INPP4A: variants seen among roughly 807,000 people sequenced by gnomAD.
INPP4A encodes the protein inositol polyphosphate-4-phosphatase type I A.
INPP4A carries 33 observed loss-of-function variants against 119.8 expected under a neutral mutation model. The ratio of observed to expected loss-of-function variants is 0.28; its 90% CI spans 0.21 to 0.37. INPP4A has a LOEUF of 0.37. INPP4A is among the 10% of genes least tolerant of loss of function. The pLI is 1.00. For missense variants in INPP4A, 956 were observed against 1,289.9 expected (o/e 0.74, Z 3.97); for synonymous variants, 496 against 500.7 (o/e 0.99, Z 0.12).
intron 1 of INPP4A, among the ~76,000 whole-genome samples, chr2:98,463,776 G>T (rs1049168226): frequency 3.3e-5 from 5 of 152,166 alleles, no homozygotes; most frequent in Non-Finnish European, 7.4e-5. Context: ...AGAGCCATGA[G>T]CGTCCATGGT....
chr2:98,553,354 A>T (rs1235992467), intron 14 of INPP4A, among the ~76,000 whole-genome samples: 2 of 38,770 alleles, frequency 5.2e-5, no homozygotes, highest in Non-Finnish European at 9.2e-5. Flanking sequence ...CTGAGCTATT[A>T]TACAGACATA....
chr2:98,580,731 A>G (rs1195755366), intron 24 of INPP4A, among the ~76,000 whole-genome samples: 2 of 152,228 alleles, frequency 1.3e-5, no homozygotes. Context: ...CCCATCTCCA[A>G]GTGGAGCCTT....
At chr2:98,465,894 C>A (rs77666392) in intron 1 of INPP4A, among the ~76,000 whole-genome samples, 1 of 152,066 alleles carries the variant, frequency 6.6e-6, no homozygotes, top group African/African-American at 2.4e-5. Context: ...CTCACTCTAG[C>A]GCCCTCCCCC....
In INPP4A at chr2:98,590,130, A is replaced by G. The variant is rs962890164; in HGVS notation, c.*2522A>G. On this transcript the variant is annotated 3_prime_UTR_variant, in exon 25 of 25. Coordinates refer to ENST00000409851, the MANE Select transcript of INPP4A (RefSeq NM_001134225.2). ...AATGTGCTAGTCTTTAGAATGACAC[A>G]TAATAAATAACTGACAAGATATTAA... The G allele has an allele frequency of 1.0e-5, 2 of 197,202 alleles. No individual in the cohort carries two copies. Among genetic ancestry groups the G allele is most frequent in the Admixed American group, 6.1e-5 (1 of 16,502 alleles). 12.2% of individuals were successfully genotyped at this position (197,202 alleles called of 1,614,324 possible). A position where few individuals can be genotyped will look rare whatever the true frequency, so the allele number is the denominator to read the frequency against.
At chr2:98,475,207 G>A (rs1411395956) in intron 1 of INPP4A, among the ~76,000 whole-genome samples, 2 of 152,128 alleles carry the variant, frequency 1.3e-5, no homozygotes, top group African/African-American at 4.8e-5. Context: ...GTGAGATGCT[G>A]TCGGGAGCAG....
At chr2:98,514,069 T>C (rs960483262) in intron 1 of INPP4A, among the ~76,000 whole-genome samples, 1 of 152,200 alleles carries the variant, frequency 6.6e-6, no homozygotes, top group African/African-American at 2.4e-5. Flanking sequence ...TCTGGAACAC[T>C]GTGGTAGAGA....
chr2:98,567,556 A>G (rs3754877), intron 21 of INPP4A, among the ~76,000 whole-genome samples: 33,601 of 152,150 alleles, frequency 0.22, 3,997 homozygotes, highest in Middle Eastern at 0.32. Context: ...GTAGCTGCGG[A>G]TCCCACAGAC....
rs775298897 is a variant in INPP4A, at chr2:98,566,059, G to C, written c.2310G>C (p.Pro770=). 1 of 1,604,864 alleles carries C rather than the reference G, an allele frequency of 6.2e-7. No individual in the cohort carries two copies. ...GGTTTAACGTGCGGGTCCCTCTGCC[G>C]GGCCCGCTGTTTGACGCCTTGCCCC... ...RDGFNVRVPL[P]GPLFDALPRE... is the part of the protein sequence containing the mutation. The change falls in exon 21 of 25, where the codon CCG becomes CCC. Residue 770 remains proline (P), a synonymous_variant. Coordinates refer to ENST00000409851, the MANE Select transcript of INPP4A (RefSeq NM_001134225.2). The surrounding 1 kb of genome is among the most constrained non-coding windows in gnomAD (Gnocchi z 4.2).
chr2:98,480,637 C>A (rs1678221846), intron 1 of INPP4A, among the ~76,000 whole-genome samples: 1 of 152,176 alleles, frequency 6.6e-6, no homozygotes. Context: ...ACCCTCTGTG[C>A]ACTGAAGGAG....
At chr2:98,448,300 G>A (rs1234019789) in intron 1 of INPP4A, among the ~76,000 whole-genome samples, 1 of 142,514 alleles carries the variant, frequency 7.0e-6, no homozygotes, top group Non-Finnish European at 1.5e-5. Flanking sequence ...AGGTTGCAGT[G>A]AGCCGAGATC....
chr2:98,465,994 C>G (rs993931811), intron 1 of INPP4A, among the ~76,000 whole-genome samples: 14 of 152,252 alleles, frequency 9.2e-5, no homozygotes, highest in Admixed American at 3.9e-4. Flanking sequence ...GCCCTCCCCC[C>G]AGTAGCTTAG....
intron 1 of INPP4A, among the ~76,000 whole-genome samples, chr2:98,466,026 T>TTTTG (rs1674701335): frequency 6.6e-6 from 1 of 151,994 alleles, no homozygotes; most frequent in Non-Finnish European, 1.5e-5. Flanking sequence ...CTTGTTACGT[T>TTTTG]TTTTGTTTTG....
intron 1 of INPP4A, among the ~76,000 whole-genome samples, chr2:98,472,675 G>C (rs1422039635): frequency 6.6e-6 from 1 of 152,250 alleles, no homozygotes; most frequent in Non-Finnish European, 1.5e-5. Flanking sequence ...TCTGTGGTGG[G>C]TCTTCAAATC....
intron 10 of INPP4A, among the ~76,000 whole-genome samples, chr2:98,541,063 C>T (rs1251282503): frequency 2.6e-5 from 4 of 152,236 alleles, no homozygotes; most frequent in Non-Finnish European, 5.9e-5. Context: ...CGCAGTGGCT[C>T]ACGCCTGTAA....
intron 7 of INPP4A, among the ~76,000 whole-genome samples, chr2:98,536,747 A>T (rs1445974930): frequency 1.3e-5 from 2 of 152,204 alleles, no homozygotes; most frequent in Admixed American, 6.5e-5. Context: ...AGAAAAAGGT[A>T]AAAATTGGAG....
At chr2:98,479,640 A>ATCATTGTCTCATAGATAAAACATCTGG (rs1316445919) in intron 1 of INPP4A, among the ~76,000 whole-genome samples, 1 of 152,204 alleles carries the variant, frequency 6.6e-6, no homozygotes, top group Non-Finnish European at 1.5e-5. Flanking sequence ...GTGCTGGGAA[A>ATCATTGTCTCATAGATAAAACATCTGG]TCATTGTCTC....
intron 22 of INPP4A, 51 bp from the exon 23 acceptor site, chr2:98,572,764 G>A: frequency 5.2e-6 from 7 of 1,340,570 alleles, no homozygotes; most frequent in Non-Finnish European, 7.2e-6. Context: ...CCTCTGCCGG[G>A]GGAGTTCCTG....
At chr2:98,565,955 C>T in intron 20 of INPP4A, 74 bp from the exon 21 acceptor site, 1 of 1,534,494 alleles carries the variant, frequency 6.5e-7, no homozygotes. Context: ...AGCCAGAGGG[C>T]CAGCCTGGGC....
Position 98,472,777 on chromosome 2 carries a change from A to G in INPP4A, c.-166+27692A>G, listed in dbSNP as rs369906619. The stretch of plus-strand genomic sequence containing the variant: ...CTTACAGAAGAGGGCATTGGGGCCC[A>G]GAAAGGGCAGTGACTTGCCCAGAGT... On this transcript the variant is annotated intron_variant, in intron 1 of 24. Coordinates refer to ENST00000409851, the MANE Select transcript of INPP4A (RefSeq NM_001134225.2). Among the ~76,000 whole-genome samples the G allele has an allele frequency of 7.9e-5, 12 of 152,370 alleles. No individual in the cohort carries two copies. The East Asian group carries it at 1.9e-3, about 24-fold the overall frequency.
Sources: gnomAD v4.1 joint callset for allele counts (sites outside exome capture counted in the v4.1 genomes callset) on GRCh38, gnomAD v4.1.1 for gene constraint, Gnocchi (gnomAD v3.1) non-coding constraint, MANE v1.5 for transcripts, NCBI Gene and HGNC (gene_info 2026-07-23, HGNC 2026-07-21) for gene names.